The following OPCML variants were observed in gnomAD, a reference collection of about 807,000 sequenced individuals.
The protein encoded by OPCML is opioid binding protein/cell adhesion molecule like, also known as opioid-binding protein/cell adhesion molecule.
Under a neutral mutation model 37.8 loss-of-function variants are expected in OPCML, and 13 were observed. The ratio of observed to expected loss-of-function variants is 0.34; its 90% CI spans 0.22 to 0.55. OPCML has a LOEUF of 0.55. Ranked by LOEUF, OPCML falls within the 20% of genes least tolerant of loss-of-function variation. The probability of loss-of-function intolerance (pLI) is 0.91; values close to 1 mark genes in which losing one functional copy is unlikely to be tolerated. For synonymous variants in OPCML, 176 were observed against 168.8 expected (o/e 1.04, Z -0.33); for missense variants, 341 against 435.6 (o/e 0.78, Z 1.93).
At chr11:133,015,225 G>T (rs1033693353) in intron 1 of OPCML, among the ~76,000 whole-genome samples, 3 of 152,106 alleles carry the variant, frequency 2.0e-5, no homozygotes, top group African/African-American at 7.2e-5. Flanking sequence ...AGGGATAAAA[G>T]AGGGAGGACA....
At chr11:133,130,583 G>T (rs1949588531) in intron 1 of OPCML, among the ~76,000 whole-genome samples, 1 of 152,098 alleles carries the variant, frequency 6.6e-6, no homozygotes, top group African/African-American at 2.4e-5. Context: ...TTACTATGAT[G>T]ACTTAAGACT....
intron 1 of OPCML, among the ~76,000 whole-genome samples, chr11:133,452,822 C>G (rs1455602758): frequency 2.6e-5 from 4 of 151,594 alleles, no homozygotes; most frequent in African/African-American, 9.8e-5. Flanking sequence ...TGCTAAAAAT[C>G]TAGGGGAAAT....
At chr11:132,460,335 G>C (rs1159223169) in intron 4 of OPCML, among the ~76,000 whole-genome samples, 1 of 151,824 alleles carries the variant, frequency 6.6e-6, no homozygotes, top group Non-Finnish European at 1.5e-5. Context: ...CATTGCTTTT[G>C]TACTAACAGG....
chr11:132,525,582 T>A (rs1230553330), intron 4 of OPCML, among the ~76,000 whole-genome samples: 1 of 152,248 alleles, frequency 6.6e-6, no homozygotes, highest in Non-Finnish European at 1.5e-5. Context: ...GTACTTCTAA[T>A]CTTTTAGAAC....
chr11:132,637,057 A>G (rs1433557688), intron 3 of OPCML, among the ~76,000 whole-genome samples: 1 of 152,170 alleles, frequency 6.6e-6, no homozygotes, highest in East Asian at 1.9e-4. Context: ...TTAATCACCA[A>G]GATAGATGAC....
At chr11:132,957,912 CAAA>C (rs1946006004) in intron 1 of OPCML, among the ~76,000 whole-genome samples, 1 of 152,174 alleles carries the variant, frequency 6.6e-6, no homozygotes, top group Non-Finnish European at 1.5e-5. Context: ...CCCTGAGACA[CAAA>C]AATATTTAAA....
At chr11:133,415,328 T>C (rs927368052) in intron 1 of OPCML, among the ~76,000 whole-genome samples, 2 of 151,588 alleles carry the variant, frequency 1.3e-5, no homozygotes, top group African/African-American at 4.9e-5. Flanking sequence ...GAGAATGGCA[T>C]GAACCCAGGA....
intron 1 of OPCML, among the ~76,000 whole-genome samples, chr11:133,023,131 CA>C (rs1274427488): frequency 2.6e-5 from 4 of 152,214 alleles, no homozygotes; most frequent in African/African-American, 7.2e-5. Context: ...CCTGGTGCAA[CA>C]GTTGTAGGAC....
chr11:133,385,930 A>T (rs1364150498), intron 1 of OPCML, among the ~76,000 whole-genome samples: 1 of 151,784 alleles, frequency 6.6e-6, no homozygotes, highest in Non-Finnish European at 1.5e-5. Flanking sequence ...TTCTCTCTAA[A>T]CATCAAATCA....
chr11:132,527,330 T>C (rs1415882335), intron 4 of OPCML, among the ~76,000 whole-genome samples: 5 of 152,324 alleles, frequency 3.3e-5, no homozygotes, highest in Admixed American at 2.0e-4. Flanking sequence ...AGGGCTTATA[T>C]GTTTTCACAG....
intron 3 of OPCML, among the ~76,000 whole-genome samples, chr11:132,652,076 C>T (rs1466218606): frequency 1.3e-5 from 2 of 152,142 alleles, no homozygotes; most frequent in Non-Finnish European, 2.9e-5. Flanking sequence ...TGCTGAAGAG[C>T]TCATGACAGT....
intron 1 of OPCML, among the ~76,000 whole-genome samples, chr11:132,992,535 G>A (rs931952698): frequency 4.6e-5 from 7 of 151,920 alleles, no homozygotes; most frequent in South Asian, 2.1e-4. Flanking sequence ...TCGAGGGTGC[G>A]ACGGAACAAA....
rs182843608 is a variant in OPCML at position 132,486,907 on chromosome 11, G to T, written c.505+42154C>A. On this transcript the variant is annotated intron_variant, in intron 4 of 7. Transcript: ENST00000524381. The stretch of plus-strand genomic sequence containing the variant: ...CTCATTCTTTTCTTATTTACAACAA[G>T]CCCACTGGAAAGAGGCCAAGAGCAA... 2.6e-5 allele frequency among the ~76,000 whole-genome samples: 4 copies of T among 152,222 alleles called. No individual in the cohort carries two copies. The East Asian group carries it at 7.8e-4, about 30-fold the overall frequency.
chr11:133,312,110 G>C (rs1363087401), intron 1 of OPCML, among the ~76,000 whole-genome samples: 1 of 152,178 alleles, frequency 6.6e-6, no homozygotes, highest in Non-Finnish European at 1.5e-5. Context: ...AGATATTAAA[G>C]ATGACAGTCA....
chr11:133,342,641 C>T (rs940026457), intron 1 of OPCML, among the ~76,000 whole-genome samples: 15 of 152,166 alleles, frequency 9.9e-5, no homozygotes, highest in Admixed American at 5.2e-4. Flanking sequence ...AGAGGGAGGG[C>T]GAAGAGTGGC....
chr11:132,524,591 A>G (rs1418725008), intron 4 of OPCML, among the ~76,000 whole-genome samples: 1 of 152,222 alleles, frequency 6.6e-6, no homozygotes, highest in Admixed American at 6.5e-5. Flanking sequence ...CCCCAAAGGG[A>G]CGTTTGCATA....
chr11:133,383,643 G>A (rs186780782), intron 1 of OPCML, among the ~76,000 whole-genome samples: 19 of 152,216 alleles, frequency 1.2e-4, no homozygotes, highest in Admixed American at 7.8e-4. Context: ...CATGAATAAC[G>A]TGCGTCTTCA....
At chr11:132,989,026 C>A (rs1565384227) in intron 1 of OPCML, among the ~76,000 whole-genome samples, 1 of 152,110 alleles carries the variant, frequency 6.6e-6, no homozygotes, top group African/African-American at 2.4e-5. Context: ...AATTCAAATG[C>A]CGGGCATTAC....
chr11:132,721,680 T>G (rs1456496457), intron 2 of OPCML, among the ~76,000 whole-genome samples: 3 of 152,182 alleles, frequency 2.0e-5, no homozygotes, highest in Admixed American at 2.0e-4. Flanking sequence ...GGTCCACACC[T>G]GAGATGACTA....
Sources: gnomAD v4.1 joint callset for allele counts (sites outside exome capture counted in the v4.1 genomes callset) on GRCh38, gnomAD v4.1.1 for gene constraint, MANE v1.5 for transcripts, NCBI Gene and HGNC (gene_info 2026-07-23, HGNC 2026-07-21) for gene names.